Variants in RASEF observed in about 807,000 individuals in gnomAD.
RASEF encodes the protein RAS and EF-hand domain containing.
In RASEF, 68 loss-of-function variants were observed where a neutral mutation model predicts 90.1. The observed-to-expected ratio is 0.75, with a 90% CI of 0.62 to 0.92. RASEF has a LOEUF of 0.92. Ranked by LOEUF, RASEF falls within the 40% of genes least tolerant of loss-of-function variation. The probability of loss-of-function intolerance (pLI) is 0.00; values close to 1 mark genes in which losing one functional copy is unlikely to be tolerated. For synonymous variants in RASEF, 331 were observed against 345.2 expected (o/e 0.96, Z 0.46); for missense variants, 949 against 937.2 (o/e 1.01, Z -0.16).
chr9:83,092,180 T>C, the RASEF span, among the ~76,000 whole-genome samples: 1 of 152,054 alleles, frequency 6.6e-6, no homozygotes, highest in Non-Finnish European at 1.5e-5. Context: ...TCATTTTCAC[T>C]GACCAATCTT....
At chr9:82,994,249 G>A (rs1264714735) in intron 14 of RASEF, among the ~76,000 whole-genome samples, 1 of 152,172 alleles carries the variant, frequency 6.6e-6, no homozygotes, top group Non-Finnish European at 1.5e-5. Flanking sequence ...CTCGTTAATT[G>A]TGTTCTTTGA....
chr9:83,170,569 T>C, the RASEF span, among the ~76,000 whole-genome samples: 1 of 151,918 alleles, frequency 6.6e-6, no homozygotes, highest in African/African-American at 2.4e-5. Flanking sequence ...ATATTTTTTC[T>C]TTTTTGTGTC....
intron 1 of RASEF, among the ~76,000 whole-genome samples, chr9:83,028,831 TA>T (rs1348725506): frequency 6.6e-6 from 1 of 151,994 alleles, no homozygotes; most frequent in Non-Finnish European, 1.5e-5. Flanking sequence ...TTTAAAGAGG[TA>T]AATAAGTTAA....
At chr9:83,203,163 CATTT>C in the RASEF span, among the ~76,000 whole-genome samples, 1 of 152,064 alleles carries the variant, frequency 6.6e-6, no homozygotes, top group African/African-American at 2.4e-5. Flanking sequence ...ACAAAATTTA[CATTT>C]ATTTTTACAT....
the RASEF span, among the ~76,000 whole-genome samples, chr9:83,159,340 G>A: frequency 1.6e-4 from 25 of 152,174 alleles, no homozygotes; most frequent in South Asian, 6.2e-4. Flanking sequence ...AAAATTTTAC[G>A]AACAAGTCCC....
the RASEF span, among the ~76,000 whole-genome samples, chr9:83,125,173 T>C: frequency 6.6e-6 from 1 of 152,188 alleles, no homozygotes; most frequent in Non-Finnish European, 1.5e-5. Flanking sequence ...CCTGGTATAC[T>C]GGTATACCAG....
chr9:83,193,498 C>T, the RASEF span, among the ~76,000 whole-genome samples: 1 of 152,128 alleles, frequency 6.6e-6, no homozygotes, highest in Non-Finnish European at 1.5e-5. Flanking sequence ...GAGAGAAAAT[C>T]CATTACTGGA....
intron 1 of RASEF, chr9:83,054,828 T>C (rs370685283): frequency 7.3e-5 from 11 of 151,372 alleles, no homozygotes; most frequent in South Asian, 2.1e-4. Flanking sequence ...TGTGCCCCTG[T>C]TGGGGGGTGC....
the RASEF span, among the ~76,000 whole-genome samples, chr9:83,118,217 T>A: frequency 2.6e-5 from 4 of 152,166 alleles, no homozygotes; most frequent in Admixed American, 6.5e-5. Flanking sequence ...CTTTAATGGC[T>A]TTGTCTATAG....
At chr9:83,203,458 T>C in the RASEF span, among the ~76,000 whole-genome samples, 1 of 152,072 alleles carries the variant, frequency 6.6e-6, no homozygotes, top group Admixed American at 6.6e-5. Context: ...GTATTTTTAG[T>C]AGAGACGGGG....
the RASEF span, among the ~76,000 whole-genome samples, chr9:83,181,415 GA>G: frequency 3.3e-5 from 5 of 152,148 alleles, no homozygotes; most frequent in Non-Finnish European, 7.4e-5. Flanking sequence ...TCATATTGAG[GA>G]AGGACCAAAA....
the RASEF span, among the ~76,000 whole-genome samples, chr9:83,116,275 T>G: frequency 1.3e-5 from 2 of 152,202 alleles, no homozygotes; most frequent in Non-Finnish European, 2.9e-5. Context: ...TTTGATGAGG[T>G]CTTTATTGGC....
At chr9:83,017,113 C>T (rs1829355618) in intron 3 of RASEF, among the ~76,000 whole-genome samples, 1 of 152,040 alleles carries the variant, frequency 6.6e-6, no homozygotes, top group Non-Finnish European at 1.5e-5. Flanking sequence ...CCTTCCTGGC[C>T]TCAAAATGGA....
At chr9:83,016,436 C>T (rs773541980) in intron 3 of RASEF, among the ~76,000 whole-genome samples, 27 of 151,030 alleles carry the variant, frequency 1.8e-4, no homozygotes, top group Non-Finnish European at 1.9e-4. Context: ...AGTAAGGCAC[C>T]CCAGGTCAGG....
At chr9:83,001,960 C>T (rs1176976429) in intron 9 of RASEF, among the ~76,000 whole-genome samples, 1 of 152,146 alleles carries the variant, frequency 6.6e-6, no homozygotes, top group Non-Finnish European at 1.5e-5. Flanking sequence ...TAGATCTTAC[C>T]ATTAGTGAAA....
chr9:83,011,370 G>A (rs1405868825), intron 5 of RASEF, among the ~76,000 whole-genome samples: 3 of 151,822 alleles, frequency 2.0e-5, no homozygotes, highest in Non-Finnish European at 2.9e-5. Context: ...TGGCCAACAC[G>A]GTGAAACCCT....
chr9:83,014,553 A>C (rs972931429), intron 4 of RASEF, among the ~76,000 whole-genome samples: 3 of 152,136 alleles, frequency 2.0e-5, no homozygotes, highest in African/African-American at 7.2e-5. Context: ...CCTGAGCACA[A>C]GCAATCCTCC....
Position 83,062,688 on chromosome 9 carries a change from G to T in RASEF, c.180C>A (p.Gly60=). Residue 60 remains glycine, a synonymous_variant, in exon 1 of 17, where the codon GGC becomes GGA. Coordinates refer to ENST00000376447, the MANE Select transcript of RASEF (RefSeq NM_152573.4). ...VFQRLDADRD[G]AITFQEFARG... ...GCGCGAACTCCTGGAAGGTGATGGC[G>T]CCGTCACGGTCGGCGTCCAGCCGCT... is the stretch of plus-strand genomic sequence containing the variant. 6.3e-7 allele frequency: 1 copy of T among 1,574,806 alleles called. No homozygotes were observed. Among genetic ancestry groups the T allele is most frequent in the Non-Finnish European group, 8.6e-7 (1 of 1,169,070 alleles).
chr9:83,124,697 C>T, the RASEF span, among the ~76,000 whole-genome samples: 10 of 152,252 alleles, frequency 6.6e-5, no homozygotes, highest in South Asian at 2.1e-4. Flanking sequence ...TCAGTTGTTA[C>T]GCAAAACTGG....
Sources: allele counts gnomAD v4.1 joint callset (sites outside exome capture counted in the v4.1 genomes callset), GRCh38; gene constraint gnomAD v4.1.1; transcripts MANE v1.5; gene names NCBI Gene and HGNC (gene_info 2026-07-23, HGNC 2026-07-21).